Variants in WNT1 observed in about 807,000 individuals in gnomAD.
The protein encoded by WNT1 is proto-oncogene Wnt-1.
In WNT1, 10 loss-of-function variants were observed where a neutral mutation model predicts 21.3. That is an observed-to-expected ratio of 0.47 (90% CI 0.29 to 0.80). The LOEUF (loss-of-function observed/expected upper bound fraction) is 0.80. Ranked by LOEUF, WNT1 falls within the 30% of genes least tolerant of loss-of-function variation. WNT1 has a pLI of 0.09. For missense variants in WNT1, 476 were observed against 534.1 expected (o/e 0.89, Z 1.07); for synonymous variants, 208 against 236.3 (o/e 0.88, Z 1.10).
Position 48,980,528 on chromosome 12 carries a change from T to C in WNT1, c.463T>C (p.Tyr155His). Reference protein sequence around the residue: ...EGSIESCTCDYRRRGPGGPDW... With the variant: ...EGSIESCTCDHRRRGPGGPDW... ...TTCCATCGAATCCTGCACGTGTGAC[T>C]ACCGGCGGCGCGGCCCCGGGGGCCC... Residue 155 changes from tyrosine to histidine, a missense_variant, in exon 3 of 4, where the codon TAC becomes CAC. Physicochemically the swap from Tyr to His is moderately conservative, Grantham distance 83. Transcript: ENST00000293549. The surrounding 1 kb of genome is among the most constrained non-coding windows in gnomAD (Gnocchi z 7.0). 1 of 1,613,816 alleles carries C rather than the reference T, an allele frequency of 6.2e-7. No individual in the cohort carries two copies. Among genetic ancestry groups the C allele is most frequent in the Non-Finnish European group, 8.5e-7 (1 of 1,179,880 alleles).
Position 48,979,260 on chromosome 12 carries a change from G to T in WNT1, c.105-208G>T, listed in dbSNP as rs552226146. On this transcript the variant is annotated intron_variant, in intron 1 of 3. Coordinates refer to ENST00000293549, the MANE Select transcript of WNT1 (RefSeq NM_005430.4). The surrounding 1 kb of genome is among the most constrained non-coding windows in gnomAD (Gnocchi z 6.0). ...CCTCTGTCCAGTCTCCGGACCTAGG[G>T]CTCAGGCGAGCAGCCCTGGGACTAC... Among the ~76,000 whole-genome samples the T allele has an allele frequency of 6.6e-6, 1 of 152,272 alleles. No individual in the cohort carries two copies. Among genetic ancestry groups the T allele is most frequent in the East Asian group, 1.9e-4 (1 of 5,172 alleles).
At position 48,979,346 on chromosome 12, in the gene WNT1, A is replaced by C; in HGVS notation, c.105-122A>C. On this transcript the variant is annotated intron_variant, in intron 1 of 3. Coordinates refer to ENST00000293549, the MANE Select transcript of WNT1 (RefSeq NM_005430.4). The surrounding 1 kb of genome is among the most constrained non-coding windows in gnomAD (Gnocchi z 6.0). ...AATTAGTGAGCCTGGGAGAGCGGGT[A>C]TTATTAATCTCCCGCCATTCTCTCC... 1 of 1,249,806 alleles carries C rather than the reference A, an allele frequency of 8.0e-7. No individual in the cohort carries two copies. Among genetic ancestry groups the C allele is most frequent in the Non-Finnish European group, 1.1e-6 (1 of 909,228 alleles). 77.4% of individuals were successfully genotyped at this position (1,249,806 alleles called of 1,614,324 possible).
In WNT1 at chr12:48,979,132, T is replaced by C. The variant is rs1940976215; in HGVS notation, c.105-336T>C. 6.6e-6 allele frequency among the ~76,000 whole-genome samples: 1 copy of C among 152,316 alleles called. No individual in the cohort carries two copies. Among genetic ancestry groups the C allele is most frequent in the Non-Finnish European group, 1.5e-5 (1 of 68,024 alleles). ...AGAAGAGGGTGGGACTCCTAAGCAT[T>C]TCACGCCTTGGGTGGGCAAGAACTG... On this transcript the variant is annotated intron_variant, in intron 1 of 3. Coordinates refer to ENST00000293549, the MANE Select transcript of WNT1 (RefSeq NM_005430.4). The surrounding 1 kb of genome is among the most constrained non-coding windows in gnomAD (Gnocchi z 6.0).
chr12:48,981,758 G>A lies in WNT1; in HGVS notation c.*118G>A, dbSNP rs567911014. ...GAGTACCTCCAGTCACACTCCCCGC[G>A]GTTCATACGCATCCCATCTCTCCCA... is the stretch of plus-strand genomic sequence containing the variant. On this transcript the variant is annotated 3_prime_UTR_variant, in exon 4 of 4. Transcript: ENST00000293549. This position sits in a 1 kb window ranked among gnomAD's most constrained non-coding sequence, Gnocchi z 7.4. 6.8e-6 allele frequency: 9 copies of A among 1,321,146 alleles called. No homozygotes were observed. Among genetic ancestry groups the A allele is most frequent in the African/African-American group, 1.6e-5 (1 of 64,178 alleles). 81.8% of individuals were successfully genotyped at this position (1,321,146 alleles called of 1,614,324 possible).
rs1940987104 is a variant in WNT1 at position 48,979,840 on chromosome 12, C to T, written c.358+119C>T. 1 of 1,376,730 alleles carries T rather than the reference C, an allele frequency of 7.3e-7. No individual in the cohort carries two copies. The allele number at this position is 1,376,730 out of a possible 1,614,324, so 85.3% of individuals were successfully genotyped here. A position where few individuals can be genotyped will look rare whatever the true frequency, so the allele number is the denominator to read the frequency against. ...GCGCCTGGAGGGTCACACAATCAAC[C>T]TTGCCAAGTGCCTCGTGCCCAGCGC... On this transcript the variant is annotated intron_variant, in intron 2 of 3. Coordinates refer to ENST00000293549, the MANE Select transcript of WNT1 (RefSeq NM_005430.4). The surrounding 1 kb of genome is among the most constrained non-coding windows in gnomAD (Gnocchi z 6.0).
At position 48,981,858 on chromosome 12, in the gene WNT1, GC is replaced by G. The variant is rs148513034; in HGVS notation, c.*222del. 1.3e-5 allele frequency among the ~76,000 whole-genome samples: 2 copies of G among 152,280 alleles called. No homozygotes were observed. The highest frequency in any genetic ancestry group is 4.8e-5 in the African/African-American group (2 of 41,556). On this transcript the variant is annotated 3_prime_UTR_variant, in exon 4 of 4. Transcript: ENST00000293549. The surrounding 1 kb of genome is among the most constrained non-coding windows in gnomAD (Gnocchi z 7.4). ...ACCCTCTTGCCATCCTGATGGACCT[GC>G]CCCGGACCTACCTCCCTCCCTCTCC...
In WNT1 at chr12:48,979,442, G is replaced by C. The variant is rs1171315447; in HGVS notation, c.105-26G>C. ...GTTAGGGTGCGGATCCCCTTCCTGAGCCTGAGCTATCATACGTCCCACCAG... is the reference window on the plus strand; with the variant it reads ...GTTAGGGTGCGGATCCCCTTCCTGACCCTGAGCTATCATACGTCCCACCAG... On this transcript the variant is annotated intron_variant, in intron 1 of 3. Coordinates refer to ENST00000293549, the MANE Select transcript of WNT1 (RefSeq NM_005430.4). This position sits in a 1 kb window ranked among gnomAD's most constrained non-coding sequence, Gnocchi z 6.0. 1.9e-6 allele frequency: 3 copies of C among 1,581,594 alleles called. No homozygotes were observed. The highest frequency in any genetic ancestry group is 2.6e-6 in the Non-Finnish European group (3 of 1,157,616).
Position 48,979,736 on chromosome 12 carries a change from A to C in WNT1, c.358+15A>C. Reference sequence around the variant, plus strand: ...CGTCAACCGAGGTGGGTGCCCAGGAAGGCGACGCTTCCGGGAGCAGGGGAA... The same window carrying C: ...CGTCAACCGAGGTGGGTGCCCAGGACGGCGACGCTTCCGGGAGCAGGGGAA... On this transcript the variant is annotated intron_variant, in intron 2 of 3. Coordinates refer to ENST00000293549, the MANE Select transcript of WNT1 (RefSeq NM_005430.4). The surrounding 1 kb of genome is among the most constrained non-coding windows in gnomAD (Gnocchi z 6.0). 6.4e-7 allele frequency: 1 copy of C among 1,571,948 alleles called. No individual in the cohort carries two copies. Among genetic ancestry groups the C allele is most frequent in the South Asian group, 1.2e-5 (1 of 86,862 alleles).
Position 48,980,401 on chromosome 12 carries a change from A to G in WNT1, c.359-23A>G, listed in dbSNP as rs748003752. The G allele has an allele frequency of 6.2e-7, 1 of 1,613,944 alleles. No individual in the cohort carries two copies. The highest frequency in any genetic ancestry group is 8.5e-7 in the Non-Finnish European group (1 of 1,179,988). ...CCGCGCCCCGCGTACCCCCTCGCTGATCCCCGCTCCCTTCTCCCACAGGCT... is the reference window on the plus strand; with the variant it reads ...CCGCGCCCCGCGTACCCCCTCGCTGGTCCCCGCTCCCTTCTCCCACAGGCT... On this transcript the variant is annotated intron_variant, in intron 2 of 3. Coordinates refer to ENST00000293549, the MANE Select transcript of WNT1 (RefSeq NM_005430.4). The surrounding 1 kb of genome is among the most constrained non-coding windows in gnomAD (Gnocchi z 7.0).
At position 48,978,714 on chromosome 12, in the gene WNT1, C is replaced by T. The variant is rs759367789; in HGVS notation, c.64C>T (p.Leu22=). ...SATLLLALAA[L]PAALAANSSG... is the part of the protein sequence containing the mutation. ...TACGCTGCTGCTGGCGCTGGCCGCT[C>T]TGCCCGCAGCCCTGGCTGCCAACAG... The change falls in exon 1 of 4, where the codon CTG becomes TTG. Residue 22 remains leucine (L), a synonymous_variant. Coordinates refer to ENST00000293549, the MANE Select transcript of WNT1 (RefSeq NM_005430.4). This position sits in a 1 kb window ranked among gnomAD's most constrained non-coding sequence, Gnocchi z 7.4. 1 of 1,603,970 alleles carries T rather than the reference C, an allele frequency of 6.2e-7. No individual in the cohort carries two copies. Among genetic ancestry groups the T allele is most frequent in the African/African-American group, 1.3e-5 (1 of 74,866 alleles).
chr12:48,980,549 G>A lies in WNT1; in HGVS notation c.484G>A (p.Gly162Ser). 2 of 1,612,538 alleles carry A rather than the reference G, an allele frequency of 1.2e-6. No homozygotes were observed. The highest frequency in any genetic ancestry group is 1.7e-6 in the Non-Finnish European group (2 of 1,179,344). Residue 162 changes from glycine to serine, a missense_variant, in exon 3 of 4, where the codon GGC (glycine) becomes AGC (serine). Coordinates refer to ENST00000293549, the MANE Select transcript of WNT1 (RefSeq NM_005430.4). This position sits in a 1 kb window ranked among gnomAD's most constrained non-coding sequence, Gnocchi z 7.0. ...TCDYRRRGPG[G>S]PDWHWGGCSD... ...TGACTACCGGCGGCGCGGCCCCGGGGGCCCCGACTGGCACTGGGGGGGCTG... is the reference window on the plus strand; with the variant it reads ...TGACTACCGGCGGCGCGGCCCCGGGAGCCCCGACTGGCACTGGGGGGGCTG...
Position 48,980,340 on chromosome 12 carries a change from G to A in WNT1, c.359-84G>A. 1 of 1,503,782 alleles carries A rather than the reference G, an allele frequency of 6.6e-7. No homozygotes were observed. The highest frequency in any genetic ancestry group is 1.2e-5 in the South Asian group (1 of 84,622). The allele number at this position is 1,503,782 out of a possible 1,614,324, so 93.2% of individuals were successfully genotyped here. On this transcript the variant is annotated intron_variant, in intron 2 of 3. Coordinates refer to ENST00000293549, the MANE Select transcript of WNT1 (RefSeq NM_005430.4). This position sits in a 1 kb window ranked among gnomAD's most constrained non-coding sequence, Gnocchi z 7.0. ...GGACTCAAAGTGCGGAGTCGGGGGT[G>A]GGATTCCGGTCCCAAGCCCTTCATG...
Position 48,981,347 on chromosome 12 carries a change from C to T in WNT1, c.820C>T (p.Leu274=), listed in dbSNP as rs372869481. The part of the protein sequence containing the change: ...NRASRAELLR[L]EPEDPAHKPP... ...CGCTTCGCGGGCGGAGCTGCTGCGC[C>T]TGGAGCCGGAAGACCCGGCCCACAA... Residue 274 remains leucine (L), a synonymous_variant, in exon 4 of 4, where the codon CTG becomes TTG. Transcript: ENST00000293549. This position sits in a 1 kb window ranked among gnomAD's most constrained non-coding sequence, Gnocchi z 7.4. The T allele has an allele frequency of 6.6e-5, 104 of 1,567,232 alleles. No homozygotes were observed. In the African/African-American group the frequency reaches 1.2e-3, roughly 17 times the overall value.
rs1184593586 is a variant in WNT1 at position 48,979,650 on chromosome 12, A to G, written c.287A>G (p.Gln96Arg). The change falls in exon 2 of 4, where the codon CAG becomes CGG. Residue 96 changes from glutamine (Q) to arginine (R), a missense_variant. Coordinates refer to ENST00000293549, the MANE Select transcript of WNT1 (RefSeq NM_005430.4). The surrounding 1 kb of genome is among the most constrained non-coding windows in gnomAD (Gnocchi z 6.0). ...LQSAVRECKW[Q>R]FRNRRWNCPT... Reference sequence around the variant, plus strand: ...AGTGCCGTGCGCGAGTGCAAGTGGCAGTTCCGGAATCGCCGCTGGAACTGT... The same window carrying G: ...AGTGCCGTGCGCGAGTGCAAGTGGCGGTTCCGGAATCGCCGCTGGAACTGT... 6.2e-7 allele frequency: 1 copy of G among 1,613,238 alleles called. No individual in the cohort carries two copies. Among genetic ancestry groups the G allele is most frequent in the African/African-American group, 1.3e-5 (1 of 74,936 alleles).
Position 48,979,582 on chromosome 12 carries a change from C to T in WNT1, c.219C>T (p.Arg73=). The part of the protein sequence containing the change: ...LLSRKQRRLI[R]QNPGILHSVS... ...GCCGCAAACAGCGGCGTCTGATACG[C>T]CAAAATCCGGGGATCCTGCACAGCG... Residue 73 remains arginine (R), a synonymous_variant, in exon 2 of 4, where the codon CGC becomes CGT. Transcript: ENST00000293549. This position sits in a 1 kb window ranked among gnomAD's most constrained non-coding sequence, Gnocchi z 6.0. 2 of 1,614,166 alleles carry T rather than the reference C, an allele frequency of 1.2e-6. No homozygotes were observed. Among genetic ancestry groups the T allele is most frequent in the Non-Finnish European group, 1.7e-6 (2 of 1,180,058 alleles).
chr12:48,980,718 G>C lies in WNT1; in HGVS notation c.624+29G>C. On this transcript the variant is annotated intron_variant, in intron 3 of 3. Coordinates refer to ENST00000293549, the MANE Select transcript of WNT1 (RefSeq NM_005430.4). The surrounding 1 kb of genome is among the most constrained non-coding windows in gnomAD (Gnocchi z 7.0). ...AGCTTTGAGAGGCTCCGCACCCTAA[G>C]CGGAGCGGCAGGGGCCAACCTCGGG... 2 of 1,510,478 alleles carry C rather than the reference G, an allele frequency of 1.3e-6. No individual in the cohort carries two copies. The highest frequency in any genetic ancestry group is 8.8e-7 in the Non-Finnish European group (1 of 1,130,952). 93.6% of individuals were successfully genotyped at this position (1,510,478 alleles called of 1,614,324 possible).
chr12:48,978,507 C>A lies in WNT1; in HGVS notation c.-144C>A. 1.6e-6 allele frequency: 1 copy of A among 644,476 alleles called. No homozygotes were observed. The highest frequency in any genetic ancestry group is 2.7e-6 in the Non-Finnish European group (1 of 364,606). The allele number at this position is 644,476 out of a possible 1,614,324, so 39.9% of individuals were successfully genotyped here. ...CCACCAGCCGGGACCGCGAGCCATG[C>A]TGTCCGCCGCCCGCCCCCAGGGTTG... On this transcript the variant is annotated 5_prime_UTR_variant, in exon 1 of 4. The change creates a new upstream start codon in the 5' untranslated region. Transcript: ENST00000293549. The surrounding 1 kb of genome is among the most constrained non-coding windows in gnomAD (Gnocchi z 7.4).
Position 48,981,302 on chromosome 12 carries a change from G to C in WNT1, c.775G>C (p.Gly259Arg), listed in dbSNP as rs766181837. The C allele has an allele frequency of 5.1e-6, 8 of 1,582,442 alleles. No homozygotes were observed. The highest frequency in any genetic ancestry group is 3.3e-4 in the Middle Eastern group (2 of 6,006). The change falls in exon 4 of 4, where the codon GGC becomes CGC. Residue 259 changes from glycine to arginine, a missense_variant. Physicochemically the swap from Gly to Arg is moderately radical, Grantham distance 125. Transcript: ENST00000293549. This position sits in a 1 kb window ranked among gnomAD's most constrained non-coding sequence, Gnocchi z 7.4. ...RFDGASRVLY[G>R]NRGSNRASRA... The stretch of plus-strand genomic sequence containing the variant: ...CGACGGCGCCTCGCGCGTCCTGTAC[G>C]GCAACCGCGGCAGCAACCGCGCTTC...
Position 48,981,110 on chromosome 12 carries a change from G to A in WNT1, c.625-42G>A. Reference sequence around the variant, plus strand: ...GGCAGTGTCTGGGAGGGTGACTCTGGCCCGGTGCCCTGGGACACTCTTTCT... The same window carrying A: ...GGCAGTGTCTGGGAGGGTGACTCTGACCCGGTGCCCTGGGACACTCTTTCT... On this transcript the variant is annotated intron_variant, in intron 3 of 3. Transcript: ENST00000293549. This position sits in a 1 kb window ranked among gnomAD's most constrained non-coding sequence, Gnocchi z 7.4. 1 of 1,602,104 alleles carries A rather than the reference G, an allele frequency of 6.2e-7. No individual in the cohort carries two copies. Among genetic ancestry groups the A allele is most frequent in the South Asian group, 1.1e-5 (1 of 89,522 alleles).
Sources: allele counts gnomAD v4.1 joint callset (sites outside exome capture counted in the v4.1 genomes callset), GRCh38; gene constraint gnomAD v4.1.1; non-coding constraint Gnocchi (gnomAD v3.1); transcripts MANE v1.5; gene names NCBI Gene and HGNC (gene_info 2026-07-23, HGNC 2026-07-21).